The following RALB variants were observed in gnomAD, a reference collection of about 807,000 sequenced individuals.
The protein encoded by RALB is RAS like proto-oncogene B.
A neutral mutation model predicts 21.3 loss-of-function variants in RALB; 16 were observed. The observed-to-expected ratio is 0.75, with a 90% CI of 0.51 to 1.14. The LOEUF is 1.14. RALB is among the 50% of genes most tolerant of loss of function. The pLI is 0.00. For missense variants in RALB, 161 were observed against 256.2 expected (o/e 0.63, Z 2.54); for synonymous variants, 93 against 96.1 (o/e 0.97, Z 0.19).
intron 2 of RALB, chr2:120,280,834 G>A (rs1689971893): frequency 4.6e-6 from 2 of 432,358 alleles, no homozygotes; most frequent in Non-Finnish European, 4.6e-6. Flanking sequence ...ATTCTCTATA[G>A]GAATGTTTCA....
At chr2:120,253,662 C>T in intron 1 of RALB, 2 of 985,472 alleles carry the variant, frequency 2.0e-6, no homozygotes, top group South Asian at 9.4e-5. Flanking sequence ...GTCCACACTG[C>T]TTGTGTGAGC....
intron 2 of RALB, among the ~76,000 whole-genome samples, chr2:120,283,067 G>A (rs1285399391): frequency 6.6e-6 from 1 of 152,064 alleles, no homozygotes; most frequent in Non-Finnish European, 1.5e-5. Context: ...TTGGAGAACT[G>A]GGACTCTTTC....
chr2:120,252,113 C>T (rs1465007360), upstream of RALB, among the ~76,000 whole-genome samples: 1 of 152,156 alleles, frequency 6.6e-6, no homozygotes, highest in African/African-American at 2.4e-5. Context: ...TAGGGGTCAG[C>T]ACGGTCACAA....
At chr2:120,268,682 T>TA (rs1404312991) in intron 1 of RALB, among the ~76,000 whole-genome samples, 2 of 152,112 alleles carry the variant, frequency 1.3e-5, no homozygotes, top group Non-Finnish European at 2.9e-5. Flanking sequence ...CTAAAATAAA[T>TA]AATTAAGATC....
chr2:120,272,973 C>G (rs1689702026), intron 1 of RALB, among the ~76,000 whole-genome samples: 2 of 152,204 alleles, frequency 1.3e-5, no homozygotes. Flanking sequence ...AAAAAACAAA[C>G]ACAACAGTGG....
At chr2:120,251,095 T>TG (rs995393936), upstream of RALB, among the ~76,000 whole-genome samples, 1 of 152,190 alleles carries the variant, frequency 6.6e-6, no homozygotes, top group African/African-American at 2.4e-5. Flanking sequence ...TCCTAGGGGA[T>TG]GGGGGGCAGG....
chr2:120,240,973 C>G (rs754172474), intron 1 of RALB, among the ~76,000 whole-genome samples: 1 of 152,180 alleles, frequency 6.6e-6, no homozygotes, highest in African/African-American at 2.4e-5. Flanking sequence ...GAAGCAAAGT[C>G]GGTGCCTACA....
chr2:120,263,984 G>T (rs1010639848), intron 1 of RALB, among the ~76,000 whole-genome samples: 2 of 151,538 alleles, frequency 1.3e-5, no homozygotes, highest in Non-Finnish European at 2.9e-5. Context: ...TGGGAGCTGG[G>T]ATTACAGATG....
At chr2:120,267,993 T>C (rs947409113) in intron 1 of RALB, among the ~76,000 whole-genome samples, 1 of 152,090 alleles carries the variant, frequency 6.6e-6, no homozygotes, top group Non-Finnish European at 1.5e-5. Context: ...GGTTTCACCA[T>C]GTGGGCCGGG....
At chr2:120,282,027 GC>G (rs1690002304) in intron 2 of RALB, among the ~76,000 whole-genome samples, 1 of 152,182 alleles carries the variant, frequency 6.6e-6, no homozygotes, top group Non-Finnish European at 1.5e-5. Flanking sequence ...ACACAGGACA[GC>G]CCCGAACAAA....
chr2:120,245,306 C>T (rs73948755), intron 1 of RALB, among the ~76,000 whole-genome samples: 85 of 152,296 alleles, frequency 5.6e-4, no homozygotes, highest in African/African-American at 1.9e-3. Context: ...TCACCAGCTG[C>T]GTGATTTTGG....
chr2:120,289,601 G>GGCTGAAGAA lies in RALB; in HGVS notation c.347_355dup (p.Ala116_Glu118dup). On this transcript the variant is annotated inframe_insertion, in exon 4 of 5. Coordinates refer to ENST00000272519, the MANE Select transcript of RALB (RefSeq NM_002881.3). ...TTAGGGAACAGATTCTCCGTGTGAA[G>GGCTGAAGAA]GCTGAAGAAGATAAAATTCCACTGC... is the stretch of plus-strand genomic sequence containing the variant. 6.2e-7 allele frequency: 1 copy of GGCTGAAGAA among 1,614,056 alleles called. No individual in the cohort carries two copies. The highest frequency in any genetic ancestry group is 8.5e-7 in the Non-Finnish European group (1 of 1,179,950).
At chr2:120,288,060 A>T (rs1690209207) in intron 3 of RALB, among the ~76,000 whole-genome samples, 1 of 152,240 alleles carries the variant, frequency 6.6e-6, no homozygotes, top group Non-Finnish European at 1.5e-5. Flanking sequence ...GTTCTGTCAT[A>T]AGAGACCAGA....
intron 1 of RALB, among the ~76,000 whole-genome samples, chr2:120,244,582 C>T (rs1208073475): frequency 1.3e-5 from 2 of 152,176 alleles, no homozygotes; most frequent in East Asian, 3.9e-4. Context: ...CCCCTTCATC[C>T]TTGAGTCTCC....
intron 3 of RALB, among the ~76,000 whole-genome samples, chr2:120,287,527 ACACT>A (rs1444791103): frequency 1.3e-5 from 2 of 152,230 alleles, no homozygotes; most frequent in Admixed American, 1.3e-4. Context: ...ACAGATGCAC[ACACT>A]CTCTTCTTTT....
intron 1 of RALB, among the ~76,000 whole-genome samples, chr2:120,242,247 G>T (rs1688907898): frequency 1.3e-5 from 2 of 152,332 alleles, no homozygotes; most frequent in South Asian, 4.2e-4. Flanking sequence ...GTTGCCAGGG[G>T]CTGGGGGCAG....
At chr2:120,257,049 C>T (rs1281227532) in intron 1 of RALB, among the ~76,000 whole-genome samples, 9 of 152,148 alleles carry the variant, frequency 5.9e-5, no homozygotes, top group Non-Finnish European at 1.2e-4. Context: ...GCCAAGTATG[C>T]AGTAGCTTTG....
chr2:120,247,539 GGAAAA>G (rs1223183356), intron 1 of RALB, among the ~76,000 whole-genome samples: 4 of 152,116 alleles, frequency 2.6e-5, no homozygotes, highest in Non-Finnish European at 4.4e-5. Flanking sequence ...CCACACTTAG[GGAAAA>G]GTGGTTTTTA....
At chr2:120,254,162 G>A (rs1689135030) in intron 1 of RALB, among the ~76,000 whole-genome samples, 1 of 152,204 alleles carries the variant, frequency 6.6e-6, no homozygotes, top group African/African-American at 2.4e-5. Context: ...TGCAGGTTCT[G>A]AGAGTTTACC....
Sources: allele counts gnomAD v4.1 joint callset (sites outside exome capture counted in the v4.1 genomes callset), GRCh38; gene constraint gnomAD v4.1.1; transcripts MANE v1.5; gene names NCBI Gene and HGNC (gene_info 2026-07-23, HGNC 2026-07-21).